Variants in AIM2 observed in about 807,000 individuals in gnomAD.
AIM2 encodes interferon-inducible protein AIM2.
A neutral mutation model predicts 27.7 loss-of-function variants in AIM2; 30 were observed. The ratio of observed to expected loss-of-function variants is 1.08; its 90% CI spans 0.81 to 1.47. AIM2 has a LOEUF of 1.47. Among genes scored for constraint, AIM2 ranks in the 40% most tolerant of loss-of-function variants. The probability of loss-of-function intolerance (pLI) is 0.00; values close to 1 mark genes in which losing one functional copy is unlikely to be tolerated. For synonymous variants in AIM2, 141 were observed against 145.3 expected, an observed-to-expected ratio of 0.97 and a Z score of 0.21; for missense variants, 358 against 411.3, an observed-to-expected ratio of 0.87 and a Z score of 1.12.
chr1:159,112,950 T>TATATATATATAA (rs1479776929), intron 1 of AIM2, among the ~76,000 whole-genome samples: 2 of 150,212 alleles, frequency 1.3e-5, no homozygotes, highest in African/African-American at 4.9e-5. Flanking sequence ...TATATATATA[T>TATATATATATAA]AATTTTTTTT....
At chr1:159,076,356 TA>T (rs1231812370) in intron 1 of AIM2, among the ~76,000 whole-genome samples, 1 of 152,248 alleles carries the variant, frequency 6.6e-6, no homozygotes, top group Non-Finnish European at 1.5e-5. Context: ...AAAATGCTTG[TA>T]TTTGCTATTG....
At chr1:159,115,888 A>G (rs1647327398) in intron 1 of AIM2, among the ~76,000 whole-genome samples, 2 of 152,218 alleles carry the variant, frequency 1.3e-5, no homozygotes, top group African/African-American at 4.8e-5. Context: ...CATCAGAGTG[A>G]ACAGGCAACC....
intron 1 of AIM2, chr1:159,122,440 G>GT (rs1647561934): frequency 6.6e-6 from 1 of 152,188 alleles, no homozygotes; most frequent in South Asian, 2.1e-4. Context: ...TAAAAGATGT[G>GT]TCACAGCCAT....
Position 159,062,599 on chromosome 1 carries a change from G to T in AIM2, c.*93C>A. ...GGAGCCTGTGAACTGCAGCTTTCAG[G>T]TAACTTACAATCTGATTGAAGAGGC... On this transcript the variant is annotated 3_prime_UTR_variant, in exon 6 of 6. Coordinates refer to ENST00000368130, the MANE Select transcript of AIM2 (RefSeq NM_004833.3). 1 of 1,249,288 alleles carries T rather than the reference G, an allele frequency of 8.0e-7. No individual in the cohort carries two copies. The allele number at this position is 1,249,288 out of a possible 1,614,324, so 77.4% of individuals were successfully genotyped here. A position where few individuals can be genotyped will look rare whatever the true frequency, so the allele number is the denominator to read the frequency against.
At chr1:159,124,812 TGGTGATGACGTTGGA>T (rs1647642708) in intron 1 of AIM2, among the ~76,000 whole-genome samples, 1 of 152,182 alleles carries the variant, frequency 6.6e-6, no homozygotes, top group Non-Finnish European at 1.5e-5. Context: ...ACAGGTGAGA[TGGTGATGACGTTGGA>T]GGCAGCAAGA....
upstream of AIM2, among the ~76,000 whole-genome samples, chr1:159,079,805 G>A (rs1656733678): frequency 6.6e-6 from 1 of 152,070 alleles, no homozygotes; most frequent in Non-Finnish European, 1.5e-5. Context: ...CATACAGGGT[G>A]GTTTCCCTGC....
At chr1:159,080,819 T>G (rs1446300733), upstream of AIM2, among the ~76,000 whole-genome samples, 2 of 152,192 alleles carry the variant, frequency 1.3e-5, no homozygotes, top group Admixed American at 6.6e-5. Context: ...CAACAAACTT[T>G]AAATCTTCAG....
chr1:159,109,552 C>T (rs1657521878), intron 1 of AIM2, among the ~76,000 whole-genome samples: 1 of 151,938 alleles, frequency 6.6e-6, no homozygotes, highest in Admixed American at 6.6e-5. Flanking sequence ...AAACAAAGAT[C>T]AATAGGTGGG....
chr1:159,095,273 G>T (rs1173045022), intron 1 of AIM2, among the ~76,000 whole-genome samples: 2 of 152,122 alleles, frequency 1.3e-5, no homozygotes, highest in Admixed American at 1.3e-4. Flanking sequence ...CTCTGTCTCT[G>T]TATCCTAAGG....
intron 1 of AIM2, among the ~76,000 whole-genome samples, chr1:159,091,578 T>C (rs1177169953): frequency 1.3e-5 from 2 of 152,208 alleles, no homozygotes; most frequent in Admixed American, 1.3e-4. Flanking sequence ...CAAAGTGCAA[T>C]CGTTACATTA....
intron 1 of AIM2, among the ~76,000 whole-genome samples, chr1:159,104,357 C>T (rs1039161258): frequency 6.6e-6 from 1 of 152,114 alleles, no homozygotes; most frequent in Non-Finnish European, 1.5e-5. Context: ...CCTAAATGTG[C>T]AACTGAGGAA....
intron 1 of AIM2, among the ~76,000 whole-genome samples, chr1:159,109,485 T>C (rs1657520845): frequency 6.6e-6 from 1 of 152,164 alleles, no homozygotes; most frequent in Non-Finnish European, 1.5e-5. Flanking sequence ...AAAACCCTTC[T>C]AGACATTGCC....
At chr1:159,073,583 C>A in intron 1 of AIM2, 64 bp from the exon 2 acceptor site, 2 of 1,431,478 alleles carry the variant, frequency 1.4e-6, no homozygotes, top group Non-Finnish European at 1.9e-6. Context: ...CAAAATAAAG[C>A]AAGGTGAGCT....
chr1:159,109,910 G>T (rs961088133), intron 1 of AIM2, among the ~76,000 whole-genome samples: 1 of 152,100 alleles, frequency 6.6e-6, no homozygotes, highest in Admixed American at 6.6e-5. Flanking sequence ...AAAAATAGTA[G>T]ATGTTGGCAT....
chr1:159,063,760 C>A, intron 4 of AIM2, 86 bp from the exon 5 acceptor site: 1 of 1,345,684 alleles, frequency 7.4e-7, no homozygotes, highest in Non-Finnish European at 1.0e-6. Context: ...CAGAAGAAGG[C>A]TCTAAAAAGA....
intron 1 of AIM2, among the ~76,000 whole-genome samples, chr1:159,106,462 T>C (rs147194110): frequency 6.6e-6 from 1 of 152,336 alleles, no homozygotes; most frequent in Non-Finnish European, 1.5e-5. Context: ...GCTGTCAAGG[T>C]TGTGGGAACA....
At chr1:159,122,983 G>T (rs1363550914) in intron 1 of AIM2, among the ~76,000 whole-genome samples, 1 of 152,030 alleles carries the variant, frequency 6.6e-6, no homozygotes, top group African/African-American at 2.4e-5. Context: ...TAAAAACTTT[G>T]GTCTCCATGA....
chr1:159,066,977 G>C (rs901981866), intron 3 of AIM2, among the ~76,000 whole-genome samples: 1 of 151,998 alleles, frequency 6.6e-6, no homozygotes, highest in Non-Finnish European at 1.5e-5. Flanking sequence ...TATTTAAAAA[G>C]TACATCTTAT....
At chr1:159,120,572 TTCA>T (rs1357214564) in intron 1 of AIM2, among the ~76,000 whole-genome samples, 1 of 152,230 alleles carries the variant, frequency 6.6e-6, no homozygotes, top group African/African-American at 2.4e-5. Context: ...ATGAAAATCC[TTCA>T]TCATTATAAC....
Sources: allele counts gnomAD v4.1 joint callset (sites outside exome capture counted in the v4.1 genomes callset), GRCh38; gene constraint gnomAD v4.1.1; transcripts MANE v1.5; gene names NCBI Gene and HGNC (gene_info 2026-07-23, HGNC 2026-07-21).